The following RNF150 variants were observed in gnomAD, a reference collection of about 807,000 sequenced individuals.
RNF150 encodes the protein ring finger protein 150.
In RNF150, 24 loss-of-function variants were observed where a neutral mutation model predicts 39.3. The observed-to-expected ratio is 0.61, with a 90% CI of 0.44 to 0.86. The LOEUF is 0.86. Ranked by LOEUF, RNF150 falls within the 40% of genes least tolerant of loss-of-function variation. The pLI is 0.00. For synonymous variants in RNF150, 255 were observed against 227.3 expected (o/e 1.12, Z -1.10); for missense variants, 502 against 587.8 (o/e 0.85, Z 1.51).
At chr4:140,995,603 C>T (rs1168057222) in intron 1 of RNF150, among the ~76,000 whole-genome samples, 1 of 152,138 alleles carries the variant, frequency 6.6e-6, no homozygotes, top group Non-Finnish European at 1.5e-5. Context: ...CCTGTTTTAG[C>T]TAATCCTCAA....
At chr4:141,027,018 G>C (rs1735722761) in intron 1 of RNF150, among the ~76,000 whole-genome samples, 1 of 152,294 alleles carries the variant, frequency 6.6e-6, no homozygotes, top group African/African-American at 2.4e-5. Context: ...AGACTGAAGA[G>C]GGGTTCCTTA....
At chr4:141,170,967 G>A (rs184800117) in intron 1 of RNF150, among the ~76,000 whole-genome samples, 2 of 152,170 alleles carry the variant, frequency 1.3e-5, no homozygotes, top group East Asian at 3.9e-4. Flanking sequence ...GTACATCCAA[G>A]GCCTGTGCTA....
In RNF150 at chr4:140,898,208, G is replaced by A. The variant is rs141885059; in HGVS notation, c.1198+12936C>T. Among the ~76,000 whole-genome samples, 328 of 151,946 alleles carry A rather than the reference G, an allele frequency of 2.2e-3. 5 individuals are homozygous for A. Among genetic ancestry groups the A allele is most frequent in the Non-Finnish European group, 5.7e-4 (39 of 67,994 alleles). On this transcript the variant is annotated intron_variant, in intron 6 of 6. Transcript: ENST00000515673. ...CCTAAAATTAGGAACTGCCTTACTT[G>A]TAGGGGCATATTTAATTTTTCCAGA...
At chr4:141,122,566 G>A (rs1050138933) in intron 1 of RNF150, among the ~76,000 whole-genome samples, 1 of 152,152 alleles carries the variant, frequency 6.6e-6, no homozygotes, top group Non-Finnish European at 1.5e-5. Context: ...TCTGGAACTT[G>A]ACCTAAGGAA....
At chr4:140,959,618 C>T (rs377163302) in intron 2 of RNF150, among the ~76,000 whole-genome samples, 87 of 152,170 alleles carry the variant, frequency 5.7e-4, no homozygotes, top group East Asian at 3.7e-3. Flanking sequence ...ACAAGCATCG[C>T]GAGTGAAGAG....
At chr4:141,190,816 A>G (rs902336816) in intron 1 of RNF150, among the ~76,000 whole-genome samples, 1 of 152,244 alleles carries the variant, frequency 6.6e-6, no homozygotes, top group African/African-American at 2.4e-5. Flanking sequence ...AGACAAAATT[A>G]GGTTTTATTA....
intron 1 of RNF150, among the ~76,000 whole-genome samples, chr4:141,168,396 A>G (rs1727638520): frequency 6.6e-6 from 1 of 152,214 alleles, no homozygotes; most frequent in African/African-American, 2.4e-5. Context: ...TGATTCCTCA[A>G]GTATCTAGAA....
chr4:141,132,190 A>C lies in RNF150; in HGVS notation c.484+135T>G. The C allele has an allele frequency of 1.1e-6, 1 of 892,170 alleles. No homozygotes were observed. The highest frequency in any genetic ancestry group is 1.7e-6 in the Non-Finnish European group (1 of 589,208). The allele number at this position is 892,170 out of a possible 1,614,324, so 55.3% of individuals were successfully genotyped here. A position where few individuals can be genotyped will look rare whatever the true frequency, so the allele number is the denominator to read the frequency against. ...CCCAAGTGACGCGGAGCAAAACTTA[A>C]TCGGTCCAGGGAACCCAGACACGTC... On this transcript the variant is annotated intron_variant, in intron 1 of 6. Transcript: ENST00000515673. The surrounding 1 kb of genome is among the most constrained non-coding windows in gnomAD (Gnocchi z 4.9).
chr4:141,027,912 GTTTTTTT>G (rs749317137), intron 1 of RNF150, among the ~76,000 whole-genome samples: 827 of 26,966 alleles, frequency 0.031, 49 homozygotes, highest in Middle Eastern at 0.05. Flanking sequence ...CTTGGAATTT[GTTTTTTT>G]TTTTTTGTTT....
chr4:141,208,530 T>C (rs1728413610), intron 1 of RNF150, among the ~76,000 whole-genome samples: 2 of 152,212 alleles, frequency 1.3e-5, no homozygotes, highest in South Asian at 4.1e-4. Context: ...TTTTTCTGTG[T>C]TTATACAGAA....
chr4:141,046,448 G>A (rs1736580320), intron 1 of RNF150, among the ~76,000 whole-genome samples: 1 of 152,150 alleles, frequency 6.6e-6, no homozygotes, highest in Non-Finnish European at 1.5e-5. Flanking sequence ...CACGAGTCTG[G>A]GAGGAAGCTG....
At chr4:140,875,935 G>C (rs1729138993) in intron 6 of RNF150, among the ~76,000 whole-genome samples, 2 of 152,152 alleles carry the variant, frequency 1.3e-5, no homozygotes, top group Non-Finnish European at 2.9e-5. Context: ...ACCAGTAGCA[G>C]GCTGGCATAA....
intron 1 of RNF150, among the ~76,000 whole-genome samples, chr4:141,020,494 T>C (rs1257714172): frequency 1.3e-5 from 2 of 152,156 alleles, no homozygotes; most frequent in African/African-American, 2.4e-5. Context: ...AGGGAATTCT[T>C]TGAATTCTCC....
chr4:141,143,532 G>A (rs574454347), intron 1 of RNF150, among the ~76,000 whole-genome samples: 1 of 152,282 alleles, frequency 6.6e-6, no homozygotes, highest in African/African-American at 2.4e-5. Context: ...GCTTGTCACA[G>A]TGAATACAGT....
intron 1 of RNF150, among the ~76,000 whole-genome samples, chr4:141,125,666 A>G (rs1023194700): frequency 6.6e-6 from 1 of 152,240 alleles, no homozygotes; most frequent in African/African-American, 2.4e-5. Context: ...TTTTCTAAAC[A>G]AATTAACTTC....
chr4:140,953,275 G>C (rs1732610697), intron 2 of RNF150, among the ~76,000 whole-genome samples: 1 of 152,126 alleles, frequency 6.6e-6, no homozygotes. Flanking sequence ...TCTAAAAAAT[G>C]GTATAATGGT....
At chr4:140,896,596 A>G (rs1230136797) in intron 6 of RNF150, among the ~76,000 whole-genome samples, 1 of 101,372 alleles carries the variant, frequency 9.9e-6, no homozygotes. Context: ...TAGATGACAC[A>G]TTAGTGGGTG....
At chr4:140,912,097 T>A (rs1040356188) in intron 5 of RNF150, among the ~76,000 whole-genome samples, 1 of 152,238 alleles carries the variant, frequency 6.6e-6, no homozygotes, top group African/African-American at 2.4e-5. Flanking sequence ...AACATAGCAA[T>A]GGGAGCTCTC....
At chr4:141,103,744 AC>A (rs1739100896) in intron 1 of RNF150, among the ~76,000 whole-genome samples, 2 of 152,166 alleles carry the variant, frequency 1.3e-5, no homozygotes, top group Admixed American at 6.5e-5. Context: ...AGTTAGAAAA[AC>A]AACTAATATA....
Sources: allele counts gnomAD v4.1 joint callset (sites outside exome capture counted in the v4.1 genomes callset), GRCh38; gene constraint gnomAD v4.1.1; non-coding constraint Gnocchi (gnomAD v3.1); transcripts MANE v1.5; gene names NCBI Gene and HGNC (gene_info 2026-07-23, HGNC 2026-07-21).